The following RAD51B variants were observed in gnomAD, a reference collection of about 807,000 sequenced individuals.
RAD51B encodes the protein DNA repair protein RAD51 homolog 2.
Under a neutral mutation model 42.2 loss-of-function variants are expected in RAD51B, and 38 were observed. That is an observed-to-expected ratio of 0.90 (90% CI 0.70 to 1.18). The LOEUF (loss-of-function observed/expected upper bound fraction) is 1.18, where lower values mean the gene tolerates loss of function less well. RAD51B is among the 50% of genes most tolerant of loss of function. RAD51B has a pLI of 0.00. For synonymous variants in RAD51B, 154 were observed against 145.2 expected, an observed-to-expected ratio of 1.06 and a Z score of -0.43; for missense variants, 373 against 400.7, an observed-to-expected ratio of 0.93 and a Z score of 0.59.
In RAD51B at chr14:68,056,800, C is replaced by T. The variant is rs573280660; in HGVS notation, c.756+169596C>T. On this transcript the variant is annotated intron_variant, in intron 7 of 10. Transcript: ENST00000471583. ...AAATAAAATAAGAAATATTTACGGCCAGGCGCGGTGGCTCACACCTGTAAT... is the reference window on the plus strand; with the variant it reads ...AAATAAAATAAGAAATATTTACGGCTAGGCGCGGTGGCTCACACCTGTAAT... Among the ~76,000 whole-genome samples, 3 of 151,702 alleles carry T rather than the reference C, an allele frequency of 2.0e-5. No homozygotes were observed. In the East Asian group the frequency reaches 5.8e-4, roughly 29 times the overall value.
downstream of RAD51B, among the ~76,000 whole-genome samples, chr14:68,614,403 A>G (rs1488142432): frequency 2.0e-5 from 3 of 152,186 alleles, no homozygotes; most frequent in Non-Finnish European, 4.4e-5. Context: ...TAAAGTGTAC[A>G]ATTCCATGAT....
intron 7 of RAD51B, among the ~76,000 whole-genome samples, chr14:68,002,019 A>G (rs964474560): frequency 1.3e-5 from 2 of 152,076 alleles, no homozygotes; most frequent in Non-Finnish European, 1.5e-5. Context: ...GTATGTATGT[A>G]TCTTTATAAC....
At chr14:68,154,856 A>C (rs2078467684) in intron 7 of RAD51B, among the ~76,000 whole-genome samples, 1 of 152,194 alleles carries the variant, frequency 6.6e-6, no homozygotes, top group African/African-American at 2.4e-5. Context: ...GTGCTCAGAG[A>C]TCTTCCTTTA....
intron 7 of RAD51B, among the ~76,000 whole-genome samples, chr14:67,910,539 C>T (rs1285781754): frequency 6.7e-6 from 1 of 148,450 alleles, no homozygotes; most frequent in Non-Finnish European, 1.5e-5. Flanking sequence ...TTCCACTTTG[C>T]AGTTTGATAT....
At chr14:68,129,413 T>C (rs1178757911) in intron 7 of RAD51B, among the ~76,000 whole-genome samples, 1 of 152,186 alleles carries the variant, frequency 6.6e-6, no homozygotes, top group African/African-American at 2.4e-5. Context: ...TTAACATCAA[T>C]TTGGTAGTTT....
At chr14:68,039,394 C>T in intron 7 of RAD51B, among the ~76,000 whole-genome samples, 1 of 144,712 alleles carries the variant, frequency 6.9e-6, no homozygotes, top group Non-Finnish European at 1.5e-5. Flanking sequence ...CGCCACTGCA[C>T]TCCAGCCTGG....
chr14:68,163,141 A>T (rs2078678334), intron 7 of RAD51B, among the ~76,000 whole-genome samples: 1 of 152,246 alleles, frequency 6.6e-6, no homozygotes, highest in Non-Finnish European at 1.5e-5. Context: ...CTAGTAGAAG[A>T]GCTGAATGAG....
intron 8 of RAD51B, among the ~76,000 whole-genome samples, chr14:68,301,948 G>A (rs2081749983): frequency 6.6e-6 from 1 of 152,122 alleles, no homozygotes; most frequent in Non-Finnish European, 1.5e-5. Flanking sequence ...TTCAGTGCTG[G>A]ATCTCCACAT....
chr14:67,930,917 C>CTTTTT (rs548979995), intron 7 of RAD51B, among the ~76,000 whole-genome samples: 8 of 140,520 alleles, frequency 5.7e-5, no homozygotes, highest in Non-Finnish European at 6.2e-5. Context: ...TGGGTTATTT[C>CTTTTT]TTTTTTTTTT....
At chr14:68,173,595 A>G (rs1429944334) in intron 7 of RAD51B, among the ~76,000 whole-genome samples, 1 of 152,158 alleles carries the variant, frequency 6.6e-6, no homozygotes, top group Non-Finnish European at 1.5e-5. Context: ...CAATATGAGT[A>G]ATTTTGTGGA....
Position 68,653,342 on chromosome 14 carries a change from C to G in RAD51B, c.*11+2486C>G, listed in dbSNP as rs577716064. 3.8e-4 allele frequency among the ~76,000 whole-genome samples: 58 copies of G among 152,182 alleles called. 2 individuals are homozygous for G. In the South Asian group the frequency reaches 0.011, roughly 30 times the overall value. The stretch of plus-strand genomic sequence containing the variant: ...AATAGCGCACTATGAGCATGGCACC[C>G]CAGCCTGGGCAACATAGCAAGACCC... On this transcript the variant is annotated intron_variant, in intron 11 of 11. Coordinates refer to the RAD51B transcript ENST00000488612.
intron 10 of RAD51B, among the ~76,000 whole-genome samples, chr14:68,577,676 C>A (rs921546511): frequency 6.6e-6 from 1 of 152,094 alleles, no homozygotes; most frequent in Admixed American, 6.6e-5. Flanking sequence ...CGCGCCCAGC[C>A]CCTGCTTTAT....
chr14:68,097,475 C>T (rs564139110), intron 7 of RAD51B, among the ~76,000 whole-genome samples: 3 of 152,118 alleles, frequency 2.0e-5, no homozygotes, highest in Non-Finnish European at 2.9e-5. Context: ...TGAAACTTCA[C>T]GTATTATTTC....
At chr14:67,861,026 A>G (rs968633466) in intron 4 of RAD51B, among the ~76,000 whole-genome samples, 4 of 151,658 alleles carry the variant, frequency 2.6e-5, no homozygotes, top group Non-Finnish European at 4.4e-5. Context: ...AGACCTTGCC[A>G]CTACAAAAAA....
At chr14:68,452,331 A>G (rs1427171909) in intron 9 of RAD51B, among the ~76,000 whole-genome samples, 2 of 152,218 alleles carry the variant, frequency 1.3e-5, no homozygotes, top group African/African-American at 4.8e-5. Flanking sequence ...ACCAGTTCAC[A>G]CTTATTTGAA....
chr14:67,887,897 T>G lies in RAD51B; in HGVS notation c.756+693T>G, dbSNP rs371208297. Among the ~76,000 whole-genome samples, 8 of 152,316 alleles carry G rather than the reference T, an allele frequency of 5.3e-5. No homozygotes were observed. In the South Asian group the frequency reaches 1.0e-3, roughly 20 times the overall value. On this transcript the variant is annotated intron_variant, in intron 7 of 10. Coordinates refer to ENST00000471583, the MANE Select transcript of RAD51B (RefSeq NM_133510.4). ...CTAAGTTACACTCCCATCTGCAGTGTGTCAGGGAGTTTTAGTCGTTGTTCC... is the reference window on the plus strand; with the variant it reads ...CTAAGTTACACTCCCATCTGCAGTGGGTCAGGGAGTTTTAGTCGTTGTTCC...
At chr14:68,072,181 A>T (rs2076762104) in intron 7 of RAD51B, among the ~76,000 whole-genome samples, 1 of 135,426 alleles carries the variant, frequency 7.4e-6, no homozygotes, top group Non-Finnish European at 1.5e-5. Context: ...TTATATATAT[A>T]TTTTCTAGGT....
chr14:67,842,015 A>G (rs915960825), intron 4 of RAD51B, among the ~76,000 whole-genome samples: 5 of 152,240 alleles, frequency 3.3e-5, no homozygotes, highest in Non-Finnish European at 5.9e-5. Context: ...CTTCAAATCC[A>G]TGAGTATGGA....
At chr14:68,258,683 A>G (rs538510534) in intron 7 of RAD51B, among the ~76,000 whole-genome samples, 4 of 152,174 alleles carry the variant, frequency 2.6e-5, no homozygotes, top group South Asian at 2.1e-4. Flanking sequence ...CTTTTCCAAC[A>G]TTGCCACTCA....
Sources: allele counts gnomAD v4.1 joint callset (sites outside exome capture counted in the v4.1 genomes callset), GRCh38; gene constraint gnomAD v4.1.1; transcripts MANE v1.5; gene names NCBI Gene and HGNC (gene_info 2026-07-23, HGNC 2026-07-21).